PDSS2: variants seen among roughly 807,000 people sequenced by gnomAD.
The protein encoded by PDSS2 is decaprenyl diphosphate synthase subunit 2, also known as all trans-polyprenyl-diphosphate synthase PDSS2.
Under a neutral mutation model 44.5 loss-of-function variants are expected in PDSS2, and 31 were observed. The observed-to-expected ratio is 0.70, with a 90% CI of 0.52 to 0.94. The LOEUF is 0.94. Ranked by LOEUF, PDSS2 falls within the 40% of genes least tolerant of loss-of-function variation. The pLI is 0.00. For missense variants in PDSS2, 452 were observed against 482.2 expected, an observed-to-expected ratio of 0.94 and a Z score of 0.59; for synonymous variants, 157 against 180.3, an observed-to-expected ratio of 0.87 and a Z score of 1.03.
chr6:107,191,309 G>C (rs1772372407), intron 7 of PDSS2, among the ~76,000 whole-genome samples: 1 of 152,192 alleles, frequency 6.6e-6, no homozygotes, highest in African/African-American at 2.4e-5. Context: ...CTGAGCAGTA[G>C]GTTTTTCAGT....
intron 1 of PDSS2, among the ~76,000 whole-genome samples, chr6:107,367,119 G>C (rs1216588280): frequency 6.6e-6 from 1 of 152,108 alleles, no homozygotes; most frequent in African/African-American, 2.4e-5. Flanking sequence ...AATATAAAAA[G>C]AGGCTCATAT....
chr6:107,381,479 T>C (rs1779454067), intron 1 of PDSS2, among the ~76,000 whole-genome samples: 1 of 152,242 alleles, frequency 6.6e-6, no homozygotes. Flanking sequence ...ATGCTGCTTA[T>C]GTTTACTTAC....
At chr6:107,168,101 T>A (rs1771420827) in intron 7 of PDSS2, among the ~76,000 whole-genome samples, 1 of 152,188 alleles carries the variant, frequency 6.6e-6, no homozygotes, top group South Asian at 2.1e-4. Flanking sequence ...ATTATTATTG[T>A]GTGGGAGTCT....
chr6:107,241,078 G>A (rs1159241127), intron 4 of PDSS2, among the ~76,000 whole-genome samples: 8 of 151,644 alleles, frequency 5.3e-5, no homozygotes, highest in South Asian at 2.1e-4. Context: ...GCAAAACCTC[G>A]TCTCTACTGA....
intron 1 of PDSS2, among the ~76,000 whole-genome samples, chr6:107,398,071 C>T (rs2114570937): frequency 6.6e-6 from 1 of 152,268 alleles, no homozygotes; most frequent in Non-Finnish European, 1.5e-5. Context: ...CACTCTGTAA[C>T]TAACCTTTAA....
rs111517131 is a variant in PDSS2, at chr6:107,280,799, C to T, written c.432-6572G>A. The stretch of plus-strand genomic sequence containing the variant: ...TAGCAGAGTTAATTGTGTTTTGCCA[C>T]GCAGACAAGGGAGATAAAAGACAAC... On this transcript the variant is annotated intron_variant, in intron 2 of 7. Coordinates refer to ENST00000369037, the MANE Select transcript of PDSS2 (RefSeq NM_020381.4). 3.5e-3 allele frequency among the ~76,000 whole-genome samples: 526 copies of T among 152,286 alleles called. 1 individual carries two copies. Among genetic ancestry groups the T allele is most frequent in the Non-Finnish European group, 4.3e-3 (291 of 68,032 alleles).
chr6:107,339,111 C>G (rs145059610), intron 1 of PDSS2, among the ~76,000 whole-genome samples: 2 of 152,290 alleles, frequency 1.3e-5, no homozygotes, highest in East Asian at 3.9e-4. Context: ...AGAGCAACCT[C>G]TGGTAATGCT....
intron 3 of PDSS2, among the ~76,000 whole-genome samples, chr6:107,272,962 A>G (rs1472468802): frequency 1.3e-5 from 2 of 151,910 alleles, no homozygotes; most frequent in African/African-American, 2.4e-5. Flanking sequence ...TATTTTTGAG[A>G]TGGAGTATCA....
At position 107,274,088 on chromosome 6, in the gene PDSS2, TCAGGATA is replaced by T; in HGVS notation, c.564_570del (p.Ile189ValfsTer6). 1 of 1,614,078 alleles carries T rather than the reference TCAGGATA, an allele frequency of 6.2e-7. No homozygotes were observed. Among genetic ancestry groups the T allele is most frequent in the Non-Finnish European group, 8.5e-7 (1 of 1,179,960 alleles). ...GCATTTGCTAGAAGAAAGTCTCCACTCAGGATAGCAATTTTATTTCCAAATTGCATGT... is the reference window on the plus strand; with the variant it reads ...GCATTTGCTAGAAGAAAGTCTCCACTGCAATTTTATTTCCAAATTGCATGT... On this transcript the variant is annotated frameshift_variant, in exon 3 of 8. Coordinates refer to ENST00000369037, the MANE Select transcript of PDSS2 (RefSeq NM_020381.4). LOFTEE classifies it high-confidence loss of function.
intron 1 of PDSS2, among the ~76,000 whole-genome samples, chr6:107,364,006 G>T (rs189065386): frequency 4.6e-4 from 70 of 151,618 alleles, no homozygotes; most frequent in African/African-American, 1.7e-3. Context: ...CAATCCCTGA[G>T]CTAGACATAA....
chr6:107,231,962 C>CAA (rs5878909), intron 4 of PDSS2, among the ~76,000 whole-genome samples: 2 of 137,764 alleles, frequency 1.5e-5, no homozygotes, highest in Non-Finnish European at 1.6e-5. Flanking sequence ...AACTCTGTCT[C>CAA]AAAAAAAAAA....
intron 1 of PDSS2, among the ~76,000 whole-genome samples, chr6:107,453,043 A>AGCC (rs1017266172): frequency 6.6e-6 from 1 of 151,770 alleles, no homozygotes; most frequent in African/African-American, 2.4e-5. Flanking sequence ...CTGCTTACCT[A>AGCC]GCCCTAGGTC....
chr6:107,201,834 G>C (rs745499749), intron 6 of PDSS2, among the ~76,000 whole-genome samples: 1 of 151,938 alleles, frequency 6.6e-6, no homozygotes, highest in Non-Finnish European at 1.5e-5. Context: ...ACCTTCCCCC[G>C]CAAACTTTTT....
intron 1 of PDSS2, among the ~76,000 whole-genome samples, chr6:107,393,124 A>G (rs1779834182): frequency 6.6e-6 from 1 of 152,154 alleles, no homozygotes; most frequent in South Asian, 2.1e-4. Flanking sequence ...TTATTCAGGT[A>G]GAAGCTTAGA....
intron 3 of PDSS2, among the ~76,000 whole-genome samples, chr6:107,262,765 C>T (rs539135947): frequency 1.3e-5 from 2 of 150,974 alleles, no homozygotes; most frequent in South Asian, 2.1e-4. Flanking sequence ...GAATGAGACT[C>T]TGTCTCAAAA....
intron 7 of PDSS2, among the ~76,000 whole-genome samples, chr6:107,184,644 G>A (rs906053092): frequency 5.9e-5 from 9 of 152,182 alleles, no homozygotes; most frequent in African/African-American, 2.2e-4. Context: ...GGGGTGAAGA[G>A]GACAGAGGAG....
chr6:107,336,117 T>C (rs1373589422), intron 1 of PDSS2, among the ~76,000 whole-genome samples: 1 of 151,160 alleles, frequency 6.6e-6, no homozygotes, highest in East Asian at 1.9e-4. Flanking sequence ...TACCCAGGCG[T>C]GGTGGCAGGT....
At chr6:107,229,940 C>G (rs1773980721) in intron 4 of PDSS2, 2 of 214,026 alleles carry the variant, frequency 9.3e-6, no homozygotes, top group South Asian at 8.6e-5. Flanking sequence ...GGATTCAGAG[C>G]TCACATTGGT....
At chr6:107,197,987 G>C (rs1205125401) in intron 6 of PDSS2, 8 of 461,720 alleles carry the variant, frequency 1.7e-5, no homozygotes, top group Non-Finnish European at 3.6e-5. Flanking sequence ...CTCCCACTCT[G>C]TCTCAAAAAA....
Sources: gnomAD v4.1 joint callset for allele counts (sites outside exome capture counted in the v4.1 genomes callset) on GRCh38, gnomAD v4.1.1 for gene constraint, MANE v1.5 for transcripts, NCBI Gene and HGNC (gene_info 2026-07-23, HGNC 2026-07-21) for gene names.